Variants in AP3B2 observed in about 807,000 individuals in gnomAD.
AP3B2 encodes adaptor related protein complex 3 subunit beta 2.
A neutral mutation model predicts 126.9 loss-of-function variants in AP3B2; 50 were observed. The ratio of observed to expected loss-of-function variants is 0.39; its 90% CI spans 0.31 to 0.50. The LOEUF (loss-of-function observed/expected upper bound fraction) is 0.50. Ranked by LOEUF, AP3B2 falls within the 20% of genes least tolerant of loss-of-function variation. The pLI, the probability that AP3B2 is intolerant of heterozygous loss-of-function variation, is 0.79. For missense variants in AP3B2, 1,177 were observed against 1,426.4 expected, an observed-to-expected ratio of 0.83 and a Z score of 2.82; for synonymous variants, 541 against 565.0, an observed-to-expected ratio of 0.96 and a Z score of 0.60.
rs777217613 is a variant in AP3B2, at chr15:82,677,705, G to A, written c.1344C>T (p.Leu448=). The A allele has an allele frequency of 1.9e-6, 3 of 1,591,114 alleles. No homozygotes were observed. Among genetic ancestry groups the A allele is most frequent in the East Asian group, 4.5e-5 (2 of 44,028 alleles). Residue 448 remains leucine, a synonymous_variant, in exon 12 of 27, where the codon CTC becomes CTT. Transcript: ENST00000535359. ...TNIGRVRDTC[L]NGLVQLLSNR... ...TGGACAGCAGCTGCACCAGGCCATT[G>A]AGGCAGGTGTCACGGACTCGGCCGA...
intron 1 of AP3B2, among the ~76,000 whole-genome samples, chr15:82,693,634 G>C (rs2048584772): frequency 9.2e-6 from 1 of 108,482 alleles, no homozygotes; most frequent in South Asian, 2.4e-4. Context: ...AAATACAAAA[G>C]AAGGAAGGGA....
At chr15:82,659,766 A>G in intron 26 of AP3B2, 56 bp from the exon 27 acceptor site, 1 of 1,609,968 alleles carries the variant, frequency 6.2e-7, no homozygotes, top group South Asian at 1.1e-5. Flanking sequence ...TGTGTTTGGA[A>G]GGGGATCAGC....
chr15:82,687,620 T>G (rs1477696118), intron 4 of AP3B2: 1 of 152,228 alleles, frequency 6.6e-6, no homozygotes, highest in Non-Finnish European at 1.5e-5. Context: ...ATGAATTGTA[T>G]ATTCAAGTGA....
At chr15:82,696,546 C>T (rs2048630159) in intron 1 of AP3B2, among the ~76,000 whole-genome samples, 1 of 152,168 alleles carries the variant, frequency 6.6e-6, no homozygotes, top group African/African-American at 2.4e-5. Context: ...CCACTGCACT[C>T]CAGCCTGGGT....
chr15:82,664,380 TCC>T lies in AP3B2; in HGVS notation c.2246_2247del (p.Gly749GlufsTer4). On this transcript the variant is annotated frameshift_variant, in exon 19 of 27. Coordinates refer to ENST00000535359, the MANE Select transcript of AP3B2 (RefSeq NM_001278512.2). LOFTEE classifies it high-confidence loss of function. The surrounding 1 kb of genome is among the most constrained non-coding windows in gnomAD (Gnocchi z 4.5). ...NEDQDEDEEK[G>X]RGSESEQSEE... ...CTCCCTTCTCACCTCTCACTGCCTC[TCC>T]CTTTCTCCTCATCCTCATCCTGGTC... 6.2e-7 allele frequency: 1 copy of T among 1,613,886 alleles called. No individual in the cohort carries two copies. Among genetic ancestry groups the T allele is most frequent in the African/African-American group, 1.3e-5 (1 of 75,028 alleles).
chr15:82,700,863 C>T (rs1306610669), intron 1 of AP3B2, among the ~76,000 whole-genome samples: 1 of 151,642 alleles, frequency 6.6e-6, no homozygotes, highest in Non-Finnish European at 1.5e-5. Flanking sequence ...CATTTATTTA[C>T]TTATTTATTT....
Position 82,693,068 on chromosome 15 carries a change from C to T in AP3B2, c.114-3615G>A, listed in dbSNP as rs534362731. On this transcript the variant is annotated intron_variant, in intron 1 of 26. Transcript: ENST00000535359. ...CCTATTGGACTTCAAAACATAAACACCACGAGACGATGATAAAAGCTGTTT... is the reference window on the plus strand; with the variant it reads ...CCTATTGGACTTCAAAACATAAACATCACGAGACGATGATAAAAGCTGTTT... 4.6e-4 allele frequency among the ~76,000 whole-genome samples: 70 copies of T among 152,024 alleles called. 1 individual carries two copies. Among genetic ancestry groups the T allele is most frequent in the African/African-American group, 1.6e-3 (65 of 41,466 alleles).
intron 1 of AP3B2, 160 bp from the exon 2 acceptor site, chr15:82,689,613 CA>C: frequency 4.8e-6 from 3 of 619,972 alleles, no homozygotes; most frequent in Non-Finnish European, 5.7e-6. Flanking sequence ...AAGTACAGAT[CA>C]GGGGAAACAT....
At chr15:82,660,194 C>T (rs1488229413) in intron 25 of AP3B2, among the ~76,000 whole-genome samples, 2 of 152,166 alleles carry the variant, frequency 1.3e-5, no homozygotes, top group Non-Finnish European at 2.9e-5. Context: ...TCTACCCCTC[C>T]CACCCAGGCC....
At position 82,679,817 on chromosome 15, in the gene AP3B2, A is replaced by G; in HGVS notation, c.1111-17T>C. On this transcript the variant is annotated splice_polypyrimidine_tract_variant and intron_variant, in intron 9 of 26. Coordinates refer to ENST00000535359, the MANE Select transcript of AP3B2 (RefSeq NM_001278512.2). ...AAACATACCCTGGCACAAGAGAGGCAGCTAGGGAGCTCCACCGAAGCCCCA... is the reference window on the plus strand; with the variant it reads ...AAACATACCCTGGCACAAGAGAGGCGGCTAGGGAGCTCCACCGAAGCCCCA... 1 of 1,612,154 alleles carries G rather than the reference A, an allele frequency of 6.2e-7. No individual in the cohort carries two copies. Among genetic ancestry groups the G allele is most frequent in the Non-Finnish European group, 8.5e-7 (1 of 1,178,312 alleles).
At position 82,665,592 on chromosome 15, in the gene AP3B2, A is replaced by G. The variant is rs533175493; in HGVS notation, c.1853-17T>C. On this transcript the variant is annotated splice_polypyrimidine_tract_variant and intron_variant, in intron 15 of 26. Coordinates refer to ENST00000535359, the MANE Select transcript of AP3B2 (RefSeq NM_001278512.2). This position sits in a 1 kb window ranked among gnomAD's most constrained non-coding sequence, Gnocchi z 4.4. ...GGTCCCGGTCTAGGGATAGGTTTAG[A>G]GGTCAGGCAGGTAGCAGCAGTGAGG... 1.9e-6 allele frequency: 3 copies of G among 1,583,806 alleles called. No homozygotes were observed. In the African/African-American group the frequency reaches 4.0e-5, roughly 21 times the overall value.
At chr15:82,704,363 ATAGAG>A (rs1313310707) in intron 1 of AP3B2, among the ~76,000 whole-genome samples, 2 of 151,876 alleles carry the variant, frequency 1.3e-5, no homozygotes, top group Admixed American at 6.6e-5. Flanking sequence ...GTGTACAATA[ATAGAG>A]TAAAGGCAGC....
intron 1 of AP3B2, among the ~76,000 whole-genome samples, chr15:82,706,740 C>T (rs2048801809): frequency 6.6e-6 from 1 of 152,222 alleles, no homozygotes; most frequent in Non-Finnish European, 1.5e-5. Flanking sequence ...TTCGTCATTT[C>T]ATAACCTCTT....
Position 82,664,110 on chromosome 15 carries a change from A to G in AP3B2, c.2262-135T>C. On this transcript the variant is annotated intron_variant, in intron 19 of 26. Transcript: ENST00000535359. The surrounding 1 kb of genome is among the most constrained non-coding windows in gnomAD (Gnocchi z 4.5). ...GGAGGGTTCACACCTGAGGTCCTAT[A>G]GCAGGGACCCCGTGAGAGCTTGAAG... 7.1e-7 allele frequency: 1 copy of G among 1,405,656 alleles called. No individual in the cohort carries two copies. Among genetic ancestry groups the G allele is most frequent in the Non-Finnish European group, 9.4e-7 (1 of 1,066,340 alleles). 87.1% of individuals were successfully genotyped at this position (1,405,656 alleles called of 1,614,324 possible). A position where few individuals can be genotyped will look rare whatever the true frequency, so the allele number is the denominator to read the frequency against.
chr15:82,660,860 C>G (rs181472759), intron 25 of AP3B2, among the ~76,000 whole-genome samples: 1 of 152,340 alleles, frequency 6.6e-6, no homozygotes, highest in Non-Finnish European at 1.5e-5. Context: ...CTGTCTCCCT[C>G]CTCATTCATG....
chr15:82,673,460 C>G (rs2048191008), intron 14 of AP3B2, among the ~76,000 whole-genome samples: 1 of 152,306 alleles, frequency 6.6e-6, no homozygotes, highest in East Asian at 1.9e-4. Flanking sequence ...ATGACCCACC[C>G]ACCTTGGGCT....
intron 21 of AP3B2, 65 bp from the exon 22 acceptor site, chr15:82,663,298 A>C (rs1260987959): frequency 7.7e-7 from 1 of 1,304,016 alleles, no homozygotes; most frequent in Admixed American, 1.9e-5. Context: ...CAGGGAGCCT[A>C]GGGATCAAGG....
In AP3B2 at chr15:82,662,200, A is replaced by G; in HGVS notation, c.2886T>C (p.Cys962=). 6.2e-7 allele frequency: 1 copy of G among 1,604,092 alleles called. No individual in the cohort carries two copies. Among genetic ancestry groups the G allele is most frequent in the African/African-American group, 1.3e-5 (1 of 74,888 alleles). Reference sequence around the variant, plus strand: ...GGAAGTTGGCTGCCTGGGTTGAGTCACAGAAATTAATGCCCATTACAGCAG... The same window carrying G: ...GGAAGTTGGCTGCCTGGGTTGAGTCGCAGAAATTAATGCCCATTACAGCAG... ...SATAVMGINF[C]DSTQAANFQL... is the part of the protein sequence containing the mutation. Residue 962 remains cysteine, a synonymous_variant, in exon 24 of 27, where the codon TGT becomes TGC. Transcript: ENST00000535359.
chr15:82,681,658 AC>A lies in AP3B2; in HGVS notation c.361-79del. On this transcript the variant is annotated intron_variant, in intron 4 of 26. Transcript: ENST00000535359. This position sits in a 1 kb window ranked among gnomAD's most constrained non-coding sequence, Gnocchi z 4.0. ...GGGGGAGGCCACACCTTTGGAAGTCACTGTCCCCAGCGACCACTAGCTCTTG... is the reference window on the plus strand; with the variant it reads ...GGGGGAGGCCACACCTTTGGAAGTCATGTCCCCAGCGACCACTAGCTCTTG... 10 of 1,484,366 alleles carry A rather than the reference AC, an allele frequency of 6.7e-6. No individual in the cohort carries two copies. The highest frequency in any genetic ancestry group is 9.1e-7 in the Non-Finnish European group (1 of 1,097,406). The allele number at this position is 1,484,366 out of a possible 1,614,324, so 91.9% of individuals were successfully genotyped here.
Sources: gnomAD v4.1 joint callset for allele counts (sites outside exome capture counted in the v4.1 genomes callset) on GRCh38, gnomAD v4.1.1 for gene constraint, Gnocchi (gnomAD v3.1) non-coding constraint, MANE v1.5 for transcripts, NCBI Gene and HGNC (gene_info 2026-07-23, HGNC 2026-07-21) for gene names.